TECTA: variants seen among roughly 807,000 people sequenced by gnomAD.
The protein encoded by TECTA is alpha-tectorin.
A neutral mutation model predicts 216.8 loss-of-function variants in TECTA; 128 were observed. The observed-to-expected ratio is 0.59, with a 90% CI of 0.51 to 0.68. The LOEUF (loss-of-function observed/expected upper bound fraction) is 0.68. Among genes scored for constraint, TECTA ranks in the 30% least tolerant of loss-of-function variants. TECTA has a pLI of 0.00. For synonymous variants in TECTA, 1,089 were observed against 1,117.1 expected (o/e 0.97, Z 0.50); for missense variants, 2,551 against 2,786.2 (o/e 0.92, Z 1.90).
intron 15 of TECTA, 99 bp from the exon 16 acceptor site, chr11:121,161,976 C>T: frequency 6.7e-7 from 1 of 1,485,360 alleles, no homozygotes; most frequent in Non-Finnish European, 9.3e-7. Flanking sequence ...GGAATTGGCA[C>T]AATGCACTAG....
At position 121,105,414 on chromosome 11, in the gene TECTA, T is replaced by C. The variant is rs1048057607; in HGVS notation, c.65-417T>C. ...GTGCAGCAAGAGGGAGGGAACTCCT[T>C]TCAGGAAAACACACGATAGTGGAAT... On this transcript the variant is annotated intron_variant, in intron 2 of 23. Transcript: ENST00000392793. This position sits in a 1 kb window ranked among gnomAD's most constrained non-coding sequence, Gnocchi z 5.3. Among the ~76,000 whole-genome samples, 3 of 152,176 alleles carry C rather than the reference T, an allele frequency of 2.0e-5. No individual in the cohort carries two copies. The highest frequency in any genetic ancestry group is 4.4e-5 in the Non-Finnish European group (3 of 68,012).
chr11:121,112,149 G>T (rs960209696), intron 4 of TECTA, among the ~76,000 whole-genome samples: 5 of 152,162 alleles, frequency 3.3e-5, no homozygotes, highest in African/African-American at 1.2e-4. Context: ...TGTGACAAGG[G>T]GTGAGGATTA....
Position 121,162,236 on chromosome 11 carries a change from T to C in TECTA, c.5138T>C (p.Phe1713Ser), listed in dbSNP as rs2135125588. ...PCYGLLDPLPFYESCYLDGCY... is the reference protein window; with the variant it reads ...PCYGLLDPLPSYESCYLDGCY... ...TATGGGCTTCTCGATCCCCTCCCAT[T>C]CTACGAGTCCTGCTACCTGGACGGC... Residue 1713 changes from phenylalanine to serine, a missense_variant, in exon 16 of 24, where the codon TTC becomes TCC. By Grantham distance (155) the Phe-to-Ser change is radical. Around this residue, in one of 3 missense-constraint regions of TECTA, gnomAD observed 2,375 missense variants for 2,563.9 expected, o/e 0.93. Transcript: ENST00000392793. 6.2e-7 allele frequency: 1 copy of C among 1,614,162 alleles called. No individual in the cohort carries two copies. The highest frequency in any genetic ancestry group is 1.6e-4 in the Middle Eastern group (1 of 6,062).
At position 121,128,445 on chromosome 11, in the gene TECTA, T is replaced by A. The variant is rs1310846037; in HGVS notation, c.2367+101T>A. On this transcript the variant is annotated intron_variant, in intron 9 of 23. Transcript: ENST00000392793. ...TTGCCTTTCTGCCTCTGCCTATGAGTGGATTTTAGAAAGAAGATGGCTCCA... is the reference window on the plus strand; with the variant it reads ...TTGCCTTTCTGCCTCTGCCTATGAGAGGATTTTAGAAAGAAGATGGCTCCA... 5 of 1,115,910 alleles carry A rather than the reference T, an allele frequency of 4.5e-6. No individual in the cohort carries two copies. In the African/African-American group the frequency reaches 4.7e-5, roughly 11 times the overall value. The allele number at this position is 1,115,910 out of a possible 1,614,324, so 69.1% of individuals were successfully genotyped here.
rs968858545 is a variant in TECTA at position 121,174,402 on chromosome 11, G to C, written c.5999+5477G>C. On this transcript the variant is annotated intron_variant, in intron 20 of 23. Coordinates refer to ENST00000392793, the MANE Select transcript of TECTA (RefSeq NM_005422.4). The stretch of plus-strand genomic sequence containing the variant: ...TTTATTGAGAGTTTTTAGCATGAAG[G>C]GTTGTTGAATTTTGTCAAAGGCCTT... Among the ~76,000 whole-genome samples the C allele has an allele frequency of 2.5e-4, 38 of 150,962 alleles. No homozygotes were observed. In the Middle Eastern group the frequency reaches 0.01, roughly 41 times the overall value.
At chr11:121,189,271 G>T in intron 22 of TECTA, 104 bp downstream of exon 22, 2 of 1,151,188 alleles carry the variant, frequency 1.7e-6, no homozygotes, top group Non-Finnish European at 2.6e-6. Context: ...AAGGAGGCTG[G>T]TGTTGGGGAC....
rs527795687 is a variant in TECTA, at chr11:121,137,814, A to G, written c.3335A>G (p.Asp1112Gly). 3.1e-6 allele frequency: 5 copies of G among 1,612,012 alleles called. No individual in the cohort carries two copies. In the African/African-American group the frequency reaches 6.7e-5, roughly 22 times the overall value. ...GGCTACGGCCACTACCTCACCTTTG[A>G]TGGCTTCCCCTTTGACTTCCAGACC... is the stretch of plus-strand genomic sequence containing the variant. ...VSGYGHYLTF[D>G]GFPFDFQTSC... Residue 1112 changes from aspartate to glycine, a missense_variant, in exon 11 of 24, where the codon GAT (aspartate) becomes GGT (glycine). Physicochemically the swap from Asp to Gly is moderately conservative, Grantham distance 94. This residue lies in a region of TECTA where 2,375 missense variants were observed against 2,563.9 expected (regional missense o/e 0.93). Coordinates refer to ENST00000392793, the MANE Select transcript of TECTA (RefSeq NM_005422.4).
chr11:121,165,478 C>A, intron 17 of TECTA, 95 bp downstream of exon 17: 1 of 1,019,892 alleles, frequency 9.8e-7, no homozygotes, highest in Non-Finnish European at 1.5e-6. Flanking sequence ...GTGAAGCTTT[C>A]CCAAATAGTG....
intron 15 of TECTA, among the ~76,000 whole-genome samples, chr11:121,161,665 A>T (rs1014443010): frequency 6.8e-6 from 1 of 147,352 alleles, no homozygotes; most frequent in African/African-American, 2.5e-5. Context: ...ACTGGCTTAG[A>T]AACCTTCCTT....
At chr11:121,174,468 G>A (rs547780993) in intron 20 of TECTA, among the ~76,000 whole-genome samples, 6 of 152,252 alleles carry the variant, frequency 3.9e-5, no homozygotes, top group African/African-American at 9.6e-5. Context: ...TTTGTCTTTC[G>A]TTCTGTTTAC....
intron 14 of TECTA, among the ~76,000 whole-genome samples, 178 bp from the exon 15 acceptor site, chr11:121,159,957 C>T (rs964244492): frequency 6.6e-5 from 10 of 152,198 alleles, no homozygotes; most frequent in Non-Finnish European, 1.2e-4. Context: ...AACACAGCCA[C>T]ACTCATTTAG....
intron 20 of TECTA, among the ~76,000 whole-genome samples, chr11:121,177,617 G>A (rs965643021): frequency 5.3e-5 from 8 of 152,314 alleles, no homozygotes; most frequent in Non-Finnish European, 1.2e-4. Flanking sequence ...GGCTGCTCGG[G>A]GGTCAGGGGT....
intron 6 of TECTA, among the ~76,000 whole-genome samples, chr11:121,114,406 G>C (rs1016665813): frequency 6.6e-6 from 1 of 152,154 alleles, no homozygotes; most frequent in Non-Finnish European, 1.5e-5. Flanking sequence ...ACTCACCATG[G>C]ACTTTCAGAG....
At chr11:121,137,009 G>C (rs1026377036) in intron 10 of TECTA, among the ~76,000 whole-genome samples, 9 of 152,214 alleles carry the variant, frequency 5.9e-5, no homozygotes, top group African/African-American at 2.2e-4. Context: ...GTGTGTGAAT[G>C]AAGGGGTGCC....
intron 20 of TECTA, among the ~76,000 whole-genome samples, chr11:121,171,754 T>C (rs897544948): frequency 2.0e-5 from 3 of 152,200 alleles, no homozygotes; most frequent in African/African-American, 7.2e-5. Context: ...GATTTTTGCA[T>C]GTTGTTTTTA....
Position 121,145,907 on chromosome 11 carries a change from A to G in TECTA, c.3896A>G (p.Gln1299Arg), listed in dbSNP as rs137916023. The G allele has an allele frequency of 7.5e-5, 121 of 1,614,254 alleles. No homozygotes were observed. The African/African-American group carries it at 1.5e-3, about 20-fold the overall frequency. The change falls in exon 12 of 24, where the codon CAG becomes CGG. Residue 1299 changes from glutamine (Q) to arginine (R), a missense_variant. Physicochemically the swap from Gln to Arg is conservative, Grantham distance 43. Coordinates refer to ENST00000392793, the MANE Select transcript of TECTA (RefSeq NM_005422.4). The part of the protein sequence containing the change: ...AKVEGFSKVQ[Q>R]LCSLIPNQNA... Reference sequence around the variant, plus strand: ...GTGGAAGGTTTCTCCAAAGTGCAGCAGCTGTGCAGCCTGATCCCCAACCAG... The same window carrying G: ...GTGGAAGGTTTCTCCAAAGTGCAGCGGCTGTGCAGCCTGATCCCCAACCAG...
chr11:121,117,031 T>G (rs1946508155), intron 6 of TECTA, among the ~76,000 whole-genome samples: 1 of 152,250 alleles, frequency 6.6e-6, no homozygotes, highest in African/African-American at 2.4e-5. Flanking sequence ...GAGTCAAGAC[T>G]GTTACTGATA....
intron 10 of TECTA, among the ~76,000 whole-genome samples, chr11:121,131,501 G>C (rs1946674839): frequency 6.6e-6 from 1 of 152,154 alleles, no homozygotes; most frequent in Non-Finnish European, 1.5e-5. Context: ...TGTTTCCTAA[G>C]AATAAGCACA....
chr11:121,140,191 C>T (rs1041084459), intron 11 of TECTA, among the ~76,000 whole-genome samples: 1 of 152,204 alleles, frequency 6.6e-6, no homozygotes, highest in Non-Finnish European at 1.5e-5. Flanking sequence ...GGTACCGCAA[C>T]ATCTGAGGCT....
Sources: gnomAD v4.1 joint callset for allele counts (sites outside exome capture counted in the v4.1 genomes callset) on GRCh38, gnomAD v4.1.1 for gene constraint, gnomAD v4.1.1 regional missense constraint, Gnocchi (gnomAD v3.1) non-coding constraint, MANE v1.5 for transcripts, NCBI Gene and HGNC (gene_info 2026-07-23, HGNC 2026-07-21) for gene names.